Variants in WDR91 observed in about 807,000 individuals in gnomAD.
The protein encoded by WDR91 is WD repeat domain 91.
WDR91 carries 52 observed loss-of-function variants against 88.4 expected under a neutral mutation model. The ratio of observed to expected loss-of-function variants is 0.59; its 90% CI spans 0.47 to 0.74. WDR91 has a LOEUF of 0.74. Among genes scored for constraint, WDR91 ranks in the 30% least tolerant of loss-of-function variants. The pLI is 0.00. For missense variants in WDR91, 824 were observed against 954.5 expected (o/e 0.86, Z 1.80); for synonymous variants, 362 against 389.5 (o/e 0.93, Z 0.83).
chr7:135,195,116 TG>T, intron 8 of WDR91, 32 bp from the exon 9 acceptor site: 2 of 1,600,288 alleles, frequency 1.2e-6, no homozygotes, highest in Non-Finnish European at 8.5e-7. Context: ...GCCTGTCAGC[TG>T]GCCTCTCAGT....
intron 8 of WDR91, among the ~76,000 whole-genome samples, chr7:135,195,775 C>T (rs1370845680): frequency 6.6e-6 from 1 of 152,016 alleles, no homozygotes; most frequent in East Asian, 1.9e-4. Flanking sequence ...GGTGAAACCC[C>T]GTCTCTACTA....
chr7:135,207,045 T>C lies in WDR91; in HGVS notation c.594+75A>G, dbSNP rs570991171. 14 of 1,272,500 alleles carry C rather than the reference T, an allele frequency of 1.1e-5. No individual in the cohort carries two copies. In the South Asian group the frequency reaches 1.3e-4, roughly 12 times the overall value. 78.8% of individuals were successfully genotyped at this position (1,272,500 alleles called of 1,614,324 possible). A position where few individuals can be genotyped will look rare whatever the true frequency, so the allele number is the denominator to read the frequency against. ...CAGTGGAAACCTGATTAATATAGTG[T>C]TCCACTGCCACTACCTAATTTCACA... On this transcript the variant is annotated intron_variant, in intron 4 of 14. Coordinates refer to ENST00000354475, the MANE Select transcript of WDR91 (RefSeq NM_014149.4).
At chr7:135,195,743 T>C (rs547602090) in intron 8 of WDR91, among the ~76,000 whole-genome samples, 1 of 152,070 alleles carries the variant, frequency 6.6e-6, no homozygotes, top group South Asian at 2.1e-4. Context: ...AGCCAGGAGT[T>C]CAAGACCAGC....
rs987909895 is a variant in WDR91, at chr7:135,184,036, A to G, written c.*2115T>C. ...AAACGTTAATACCATTCTCACTCCA[A>G]TGAAACCCATGACCACTTTTTAAAT... On this transcript the variant is annotated 3_prime_UTR_variant, in exon 15 of 15. Transcript: ENST00000354475. The G allele has an allele frequency of 7.9e-5, 12 of 152,214 alleles. No individual in the cohort carries two copies. Among genetic ancestry groups the G allele is most frequent in the East Asian group, 5.8e-4 (3 of 5,192 alleles). 9.4% of individuals were successfully genotyped at this position (152,214 alleles called of 1,614,324 possible). A position where few individuals can be genotyped will look rare whatever the true frequency, so the allele number is the denominator to read the frequency against.
In WDR91 at chr7:135,185,256, T is replaced by C. The variant is rs949745933; in HGVS notation, c.*895A>G. 2 of 152,228 alleles carry C rather than the reference T, an allele frequency of 1.3e-5. No individual in the cohort carries two copies. The highest frequency in any genetic ancestry group is 2.9e-5 in the Non-Finnish European group (2 of 68,038). 9.4% of individuals were successfully genotyped at this position (152,228 alleles called of 1,614,324 possible). On this transcript the variant is annotated 3_prime_UTR_variant, in exon 15 of 15. Transcript: ENST00000354475. The stretch of plus-strand genomic sequence containing the variant: ...ATACTTTGTTTCATGTACAAAATTA[T>C]TTAAAATACTGTATAGAGTTACCTT...
Position 135,211,414 on chromosome 7 carries a change from G to A in WDR91, c.89C>T (p.Ala30Val), listed in dbSNP as rs1347466308. The change falls in exon 1 of 15, where the codon GCC becomes GTC. Residue 30 changes from alanine (A) to valine (V), a missense_variant. Physicochemically the swap from Ala to Val is moderately conservative, Grantham distance 64 (BLOSUM62 0). Transcript: ENST00000354475. Reference sequence around the variant, plus strand: ...CTTCTCCTTGTCCGCCTTGATCTCGGCGTCCAGCTGCCGCAGTGTGTGCGT... The same window carrying A: ...CTTCTCCTTGTCCGCCTTGATCTCGACGTCCAGCTGCCGCAGTGTGTGCGT... ...GFTHTLRQLD[A>V]EIKADKEKGF... 1 of 1,612,040 alleles carries A rather than the reference G, an allele frequency of 6.2e-7. No homozygotes were observed. Among genetic ancestry groups the A allele is most frequent in the Non-Finnish European group, 8.5e-7 (1 of 1,179,210 alleles).
In WDR91 at chr7:135,206,103, T is replaced by A. The variant is rs292593; in HGVS notation, c.595-45A>T. ...AGTTAGCCAATGATCTCACCTAACCTTCCCTCTGCGGAGGAAGATTTCTAG... is the reference window on the plus strand; with the variant it reads ...AGTTAGCCAATGATCTCACCTAACCATCCCTCTGCGGAGGAAGATTTCTAG... On this transcript the variant is annotated intron_variant, in intron 4 of 14. Coordinates refer to ENST00000354475, the MANE Select transcript of WDR91 (RefSeq NM_014149.4). The A allele has an allele frequency of 1.1e-5, 17 of 1,612,994 alleles. No individual in the cohort carries two copies. In the South Asian group the frequency reaches 1.1e-4, roughly 10 times the overall value.
intron 4 of WDR91, among the ~76,000 whole-genome samples, chr7:135,206,765 GTA>G (rs142407249): frequency 4.0e-5 from 6 of 150,370 alleles, no homozygotes; most frequent in African/African-American, 7.3e-5. Context: ...ATATATATGT[GTA>G]TATATATATA....
chr7:135,192,903 G>A (rs765796153), intron 11 of WDR91, among the ~76,000 whole-genome samples: 1 of 152,164 alleles, frequency 6.6e-6, no homozygotes, highest in Non-Finnish European at 1.5e-5. Flanking sequence ...GAATCTGTAT[G>A]TGTCCTTGCT....
Position 135,196,419 on chromosome 7 carries a change from G to A in WDR91, c.1051-82C>T. On this transcript the variant is annotated intron_variant, in intron 7 of 14. Transcript: ENST00000354475. The surrounding 1 kb of genome is among the most constrained non-coding windows in gnomAD (Gnocchi z 4.2). ...GTACACCGCAGGGGGTCTAGGCCTAGGCTGCAGCATTTTGCGGGGTTCTCG... is the reference window on the plus strand; with the variant it reads ...GTACACCGCAGGGGGTCTAGGCCTAAGCTGCAGCATTTTGCGGGGTTCTCG... 7.5e-7 allele frequency: 1 copy of A among 1,336,056 alleles called. No homozygotes were observed. Among genetic ancestry groups the A allele is most frequent in the South Asian group, 1.6e-5 (1 of 62,306 alleles). The allele number at this position is 1,336,056 out of a possible 1,614,324, so 82.8% of individuals were successfully genotyped here.
intron 7 of WDR91, 33 bp downstream of exon 7, chr7:135,197,960 G>A: frequency 6.3e-7 from 1 of 1,598,506 alleles, no homozygotes; most frequent in Non-Finnish European, 8.6e-7. Flanking sequence ...AGCTGCATGA[G>A]TGTCCCCAGG....
intron 4 of WDR91, 30 bp from the exon 5 acceptor site, chr7:135,206,088 T>C (rs767887350): frequency 3.7e-6 from 6 of 1,613,958 alleles, no homozygotes; most frequent in East Asian, 4.5e-5. Flanking sequence ...AGTTAGCCAA[T>C]GATCTCACCT....
At chr7:135,193,109 C>T in intron 11 of WDR91, 122 bp downstream of exon 11, 1 of 1,424,110 alleles carries the variant, frequency 7.0e-7, no homozygotes, top group Non-Finnish European at 9.4e-7. Flanking sequence ...CTTTTCAACA[C>T]TCAAAACTTT....
chr7:135,189,298 G>C, intron 12 of WDR91, 46 bp downstream of exon 12: 1 of 1,560,850 alleles, frequency 6.4e-7, no homozygotes, highest in Non-Finnish European at 8.7e-7. Context: ...AAAATTGCCT[G>C]GGAAATCTAA....
Position 135,209,685 on chromosome 7 carries a change from CA to C in WDR91, c.193del (p.Trp65GlyfsTer23). 1 of 1,613,664 alleles carries C rather than the reference CA, an allele frequency of 6.2e-7. No homozygotes were observed. The highest frequency in any genetic ancestry group is 8.5e-7 in the Non-Finnish European group (1 of 1,179,788). On this transcript the variant is annotated frameshift_variant, in exon 2 of 15. Coordinates refer to ENST00000354475, the MANE Select transcript of WDR91 (RefSeq NM_014149.4). LOFTEE classifies it high-confidence loss of function. ...VYDLAALRDY[W>X]SYLERRLFSR... ...GAAGAGCCGACGCTCCAAGTAGCTC[CA>C]ATAATCCCGAAGGGCAGCCAAGTCA...
At chr7:135,210,720 C>T (rs1831983678) in intron 1 of WDR91, 3 of 697,090 alleles carry the variant, frequency 4.3e-6, no homozygotes, top group African/African-American at 1.7e-5. Flanking sequence ...TTTGGCCAGG[C>T]AGGAAACCAG....
intron 6 of WDR91, chr7:135,201,962 A>G (rs184035147): frequency 6.6e-6 from 1 of 152,320 alleles, no homozygotes; most frequent in East Asian, 1.9e-4. Context: ...AGGGGAAATC[A>G]TGCCATAGGG....
intron 9 of WDR91, chr7:135,193,926 C>T (rs1831269650): frequency 4.3e-6 from 2 of 463,706 alleles, no homozygotes. Context: ...TCACCTTGGA[C>T]ACATATGGAA....
At chr7:135,200,817 G>A (rs550558764) in intron 6 of WDR91, among the ~76,000 whole-genome samples, 36 of 152,214 alleles carry the variant, frequency 2.4e-4, no homozygotes, top group East Asian at 3.9e-4. Flanking sequence ...ATTAATTTCC[G>A]GTGGAATGAG....
Sources: allele counts gnomAD v4.1 joint callset (sites outside exome capture counted in the v4.1 genomes callset), GRCh38; gene constraint gnomAD v4.1.1; non-coding constraint Gnocchi (gnomAD v3.1); transcripts MANE v1.5; gene names NCBI Gene and HGNC (gene_info 2026-07-23, HGNC 2026-07-21).